REDIC1: variants seen among roughly 807,000 people sequenced by gnomAD.
REDIC1 encodes HEI10 Interacting Protein 1.
the REDIC1 span, among the ~76,000 whole-genome samples, chr12:39,868,534 G>A: frequency 6.6e-6 from 1 of 152,156 alleles, no homozygotes; most frequent in Non-Finnish European, 1.5e-5. Context: ...TAGTTTAGTA[G>A]ATCTGGGTTA....
chr12:39,868,726 G>T, the REDIC1 span, among the ~76,000 whole-genome samples: 1 of 152,048 alleles, frequency 6.6e-6, no homozygotes, highest in Non-Finnish European at 1.5e-5. Flanking sequence ...CAATATTAAA[G>T]AATCAAGAAT....
the REDIC1 span, among the ~76,000 whole-genome samples, chr12:39,723,085 T>C: frequency 6.6e-6 from 1 of 152,136 alleles, no homozygotes; most frequent in Non-Finnish European, 1.5e-5. Flanking sequence ...CAATACTTCA[T>C]GTGAATTGTC....
the REDIC1 span, among the ~76,000 whole-genome samples, chr12:39,868,642 C>T: frequency 6.6e-6 from 1 of 152,108 alleles, no homozygotes; most frequent in African/African-American, 2.4e-5. Flanking sequence ...TACCAAAATA[C>T]ATGAGGGGGG....
the REDIC1 span, among the ~76,000 whole-genome samples, chr12:39,779,212 C>T: frequency 6.6e-6 from 1 of 152,134 alleles, no homozygotes; most frequent in African/African-American, 2.4e-5. Flanking sequence ...GCCATTCAAC[C>T]TCACTGGACC....
chr12:39,785,675 C>T, the REDIC1 span, among the ~76,000 whole-genome samples: 2 of 152,178 alleles, frequency 1.3e-5, no homozygotes, highest in Non-Finnish European at 2.9e-5. Flanking sequence ...ACACTCAACG[C>T]CAGCCCGTGA....
chr12:39,881,903 T>G, the REDIC1 span, among the ~76,000 whole-genome samples: 1 of 152,196 alleles, frequency 6.6e-6, no homozygotes, highest in Non-Finnish European at 1.5e-5. Context: ...TTCTTACCCC[T>G]GTATCATGAT....
chr12:39,706,269 A>G, the REDIC1 span, among the ~76,000 whole-genome samples: 2 of 152,012 alleles, frequency 1.3e-5, no homozygotes, highest in Non-Finnish European at 2.9e-5. Context: ...AAAGAGCTCA[A>G]TAATAAAGAC....
At chr12:39,806,065 T>G in the REDIC1 span, among the ~76,000 whole-genome samples, 1 of 152,240 alleles carries the variant, frequency 6.6e-6, no homozygotes, top group South Asian at 2.1e-4. Context: ...CAATTGTAGC[T>G]GCAACAGAAC....
the REDIC1 span, among the ~76,000 whole-genome samples, chr12:39,824,691 G>T: frequency 1.2e-4 from 18 of 152,140 alleles, no homozygotes; most frequent in Non-Finnish European, 2.5e-4. Flanking sequence ...GTTCCAGTAG[G>T]ACTTACAGCT....
chr12:39,714,704 C>T, the REDIC1 span, among the ~76,000 whole-genome samples: 1 of 151,748 alleles, frequency 6.6e-6, no homozygotes, highest in Non-Finnish European at 1.5e-5. Flanking sequence ...GTTCCCTGTT[C>T]ACCACTCCCA....
At chr12:39,769,960 G>A in the REDIC1 span, among the ~76,000 whole-genome samples, 1 of 151,986 alleles carries the variant, frequency 6.6e-6, no homozygotes, top group Non-Finnish European at 1.5e-5. Flanking sequence ...CAGGTTTCTT[G>A]TCTTAATCTT....
At chr12:39,830,388 G>T in the REDIC1 span, 830 of 1,388,022 alleles carry the variant, frequency 6.0e-4, 3 homozygotes, top group African/African-American at 0.011. Flanking sequence ...GCTGAGCCAG[G>T]TGAGAGCTGG....
At chr12:39,871,782 TTA>T in the REDIC1 span, 1 of 1,584,652 alleles carries the variant, frequency 6.3e-7, no homozygotes, top group Admixed American at 1.8e-5. Flanking sequence ...ATTGAATTCT[TTA>T]TCCAGCCACC....
chr12:39,718,690 G>T, the REDIC1 span, among the ~76,000 whole-genome samples: 1 of 151,908 alleles, frequency 6.6e-6, no homozygotes, highest in Admixed American at 6.6e-5. Context: ...CTGGAATAGG[G>T]CACTTTTGTC....
chr12:39,631,955 T>C, the REDIC1 span, among the ~76,000 whole-genome samples: 1 of 152,026 alleles, frequency 6.6e-6, no homozygotes, highest in Non-Finnish European at 1.5e-5. Context: ...ACAATAAATA[T>C]TTCTGCTTAT....
chr12:39,878,050 C>T, the REDIC1 span, among the ~76,000 whole-genome samples: 4 of 152,348 alleles, frequency 2.6e-5, no homozygotes, highest in African/African-American at 9.6e-5. Flanking sequence ...CCTTTGCCTT[C>T]TGCCATAATT....
chr12:39,843,537 T>C, the REDIC1 span, among the ~76,000 whole-genome samples: 2 of 152,104 alleles, frequency 1.3e-5, no homozygotes, highest in Admixed American at 1.3e-4. Context: ...TCAAGGTAGA[T>C]AGAGAATTAT....
At chr12:39,641,156 C>T in the REDIC1 span, among the ~76,000 whole-genome samples, 45 of 151,948 alleles carry the variant, frequency 3.0e-4, no homozygotes, top group Admixed American at 3.0e-3. Flanking sequence ...TTTGCTCAGT[C>T]AGAGACTTAA....
At chr12:39,669,104 G>A in the REDIC1 span, among the ~76,000 whole-genome samples, 9 of 152,122 alleles carry the variant, frequency 5.9e-5, no homozygotes, top group Admixed American at 1.3e-4. Context: ...GAGGAGCTGC[G>A]TTCCTTTAGA....
Sources: gnomAD v4.1 joint callset for allele counts (sites outside exome capture counted in the v4.1 genomes callset) on GRCh38, gnomAD v4.1.1 for gene constraint, MANE v1.5 for transcripts, NCBI Gene and HGNC (gene_info 2026-07-23, HGNC 2026-07-21) for gene names.